The following BCL11B variants were observed in gnomAD, a reference collection of about 807,000 sequenced individuals.
The protein encoded by BCL11B is B-cell lymphoma/leukemia 11B.
Under a neutral mutation model 49.9 loss-of-function variants are expected in BCL11B, and 8 were observed. That is an observed-to-expected ratio of 0.16 (90% CI 0.09 to 0.29). BCL11B has a LOEUF of 0.29. Ranked by LOEUF, BCL11B falls within the 10% of genes least tolerant of loss-of-function variation. The pLI is 1.00. For synonymous variants in BCL11B, 739 were observed against 637.4 expected (o/e 1.16, Z -2.40); for missense variants, 1,006 against 1,351.0 (o/e 0.74, Z 4.00).
At chr14:99,229,230 T>C (rs907597437) in intron 3 of BCL11B, among the ~76,000 whole-genome samples, 1 of 152,148 alleles carries the variant, frequency 6.6e-6, no homozygotes, top group Non-Finnish European at 1.5e-5. Flanking sequence ...GTGAGGAGAA[T>C]AAAGTATTAG....
intron 3 of BCL11B, among the ~76,000 whole-genome samples, chr14:99,227,583 T>G (rs1224160608): frequency 6.6e-6 from 1 of 152,146 alleles, no homozygotes; most frequent in Non-Finnish European, 1.5e-5. Flanking sequence ...CCTGGAAACC[T>G]AGCTAGCCCC....
intron 3 of BCL11B, among the ~76,000 whole-genome samples, chr14:99,206,984 A>T (rs1485129420): frequency 6.6e-6 from 1 of 152,204 alleles, no homozygotes; most frequent in Non-Finnish European, 1.5e-5. Flanking sequence ...AAACCATGGG[A>T]TGAAGCCCTC....
intron 2 of BCL11B, among the ~76,000 whole-genome samples, chr14:99,256,811 C>T (rs949878528): frequency 6.6e-6 from 1 of 152,186 alleles, no homozygotes; most frequent in African/African-American, 2.4e-5. Context: ...CCTCCCCCAA[C>T]GGGCACAGTG....
At chr14:99,179,212 G>A (rs1403478774) in intron 3 of BCL11B, among the ~76,000 whole-genome samples, 1 of 152,124 alleles carries the variant, frequency 6.6e-6, no homozygotes, top group Non-Finnish European at 1.5e-5. Context: ...GGTGGCTCAC[G>A]CCTGTAATCC....
At chr14:99,225,277 A>G (rs1435120269) in intron 3 of BCL11B, among the ~76,000 whole-genome samples, 2 of 152,158 alleles carry the variant, frequency 1.3e-5, no homozygotes, top group Non-Finnish European at 2.9e-5. Context: ...TGGTTTCCCC[A>G]TTTATATAAT....
Position 99,175,910 on chromosome 14 carries a change from C to T in BCL11B, c.926G>A (p.Arg309His), listed in dbSNP as rs753659474. 3.5e-6 allele frequency: 5 copies of T among 1,446,482 alleles called. No homozygotes were observed. In the African/African-American group the frequency reaches 4.5e-5, roughly 13 times the overall value. 89.6% of individuals were successfully genotyped at this position (1,446,482 alleles called of 1,614,324 possible). A position where few individuals can be genotyped will look rare whatever the true frequency, so the allele number is the denominator to read the frequency against. ...GAAGAGAGGCGGCGTGCCCGGCAGG[C>T]GGCCCTCGCCGAAGCCCGGGTGGTC... is the stretch of plus-strand genomic sequence containing the variant. ...LRDHPGFGEG[R>H]LPGTPPLFSP... Residue 309 changes from arginine to histidine, a missense_variant, in exon 4 of 4, where the codon CGC becomes CAC. By Grantham distance (29) the Arg-to-His change is conservative. Around this residue, in one of 6 missense-constraint regions of BCL11B, gnomAD observed 411 missense variants for 542.2 expected, o/e 0.76. Coordinates refer to ENST00000357195, the MANE Select transcript of BCL11B (RefSeq NM_138576.4).
intron 2 of BCL11B, among the ~76,000 whole-genome samples, chr14:99,249,827 T>C (rs1371454055): frequency 6.6e-6 from 1 of 152,148 alleles, no homozygotes; most frequent in Admixed American, 6.5e-5. Context: ...CTAGTAAGTA[T>C]GAGTTAAATT....
At chr14:99,225,786 A>G (rs1204203398) in intron 3 of BCL11B, among the ~76,000 whole-genome samples, 1 of 152,254 alleles carries the variant, frequency 6.6e-6, no homozygotes, top group African/African-American at 2.4e-5. Flanking sequence ...TGAAGGGCCA[A>G]CTCAGAGAGT....
chr14:99,188,536 G>C (rs1886924079), intron 3 of BCL11B, among the ~76,000 whole-genome samples: 1 of 134,616 alleles, frequency 7.4e-6, no homozygotes. Flanking sequence ...CCAATGGCTG[G>C]CCTGGGGCTG....
chr14:99,252,476 G>A (rs188955500), intron 2 of BCL11B, among the ~76,000 whole-genome samples: 12 of 152,236 alleles, frequency 7.9e-5, no homozygotes, highest in South Asian at 2.1e-4. Flanking sequence ...CCCTGGGCTC[G>A]TCAGAAGTCC....
chr14:99,176,883 G>A (rs956530358), intron 3 of BCL11B, among the ~76,000 whole-genome samples: 1 of 152,060 alleles, frequency 6.6e-6, no homozygotes, highest in African/African-American at 2.4e-5. Context: ...CCAGGGAGTT[G>A]TACAGAAACA....
intron 1 of BCL11B, among the ~76,000 whole-genome samples, chr14:99,260,496 T>C (rs1889305547): frequency 6.6e-6 from 1 of 152,180 alleles, no homozygotes; most frequent in African/African-American, 2.4e-5. Flanking sequence ...GGTTTTCAAC[T>C]ACATAATTTC....
intron 3 of BCL11B, among the ~76,000 whole-genome samples, chr14:99,218,327 G>A (rs938257806): frequency 2.1e-5 from 3 of 144,898 alleles, no homozygotes; most frequent in Non-Finnish European, 3.0e-5. Flanking sequence ...TGATCCGCCC[G>A]CCTCGGCCTC....
chr14:99,271,568 A>G lies in BCL11B; in HGVS notation c.-350T>C, dbSNP rs1889691639. 1 of 202,550 alleles carries G rather than the reference A, an allele frequency of 4.9e-6. No individual in the cohort carries two copies. The highest frequency in any genetic ancestry group is 2.3e-5 in the African/African-American group (1 of 43,704). 12.5% of individuals were successfully genotyped at this position (202,550 alleles called of 1,614,324 possible). On this transcript the variant is annotated 5_prime_UTR_variant, in exon 1 of 4. Transcript: ENST00000357195. ...CCGCGGACTGGCTGGTTTCTTTAAA[A>G]ATATATTCTTTCGAAGGAAAAAAAA...
At chr14:99,268,042 G>A (rs1033548008) in intron 1 of BCL11B, among the ~76,000 whole-genome samples, 2 of 151,696 alleles carry the variant, frequency 1.3e-5, no homozygotes, top group Admixed American at 6.6e-5. Context: ...ACCTCCCCTC[G>A]GCACGATTGC....
intron 3 of BCL11B, among the ~76,000 whole-genome samples, chr14:99,220,035 C>T (rs147341287): frequency 6.6e-6 from 1 of 152,138 alleles, no homozygotes; most frequent in Admixed American, 6.5e-5. Context: ...TGCCACATCC[C>T]TGAGAGGCAG....
chr14:99,240,054 A>G (rs763913623), intron 2 of BCL11B, among the ~76,000 whole-genome samples: 13 of 152,232 alleles, frequency 8.5e-5, no homozygotes, highest in Non-Finnish European at 1.9e-4. Context: ...AGCATCATCA[A>G]CCTTTTTAAG....
chr14:99,271,147 C>G lies in BCL11B; in HGVS notation c.58+14G>C, dbSNP rs1406766172. ...CCATCTCCGGCCCCTCGCGCGCACT[C>G]CGCAGACACTTACGGGTGATGAGCT... On this transcript the variant is annotated intron_variant, in intron 1 of 3. Transcript: ENST00000357195. 2.6e-6 allele frequency: 4 copies of G among 1,547,714 alleles called. No individual in the cohort carries two copies. Among genetic ancestry groups the G allele is most frequent in the Admixed American group, 1.9e-5 (1 of 53,732 alleles).
At chr14:99,207,497 G>A (rs1035255615) in intron 3 of BCL11B, among the ~76,000 whole-genome samples, 1 of 152,144 alleles carries the variant, frequency 6.6e-6, no homozygotes, top group Non-Finnish European at 1.5e-5. Flanking sequence ...CCTGTTTCTG[G>A]TGGGCAAGAG....
Sources: allele counts gnomAD v4.1 joint callset (sites outside exome capture counted in the v4.1 genomes callset), GRCh38; gene constraint gnomAD v4.1.1; regional missense constraint gnomAD v4.1.1; transcripts MANE v1.5; gene names NCBI Gene and HGNC (gene_info 2026-07-23, HGNC 2026-07-21).